Variants in HS3ST5 observed in about 807,000 individuals in gnomAD.
HS3ST5 encodes heparan sulfate-glucosamine 3-sulfotransferase 5, also known as heparan sulfate glucosamine 3-O-sulfotransferase 5.
In HS3ST5, 10 loss-of-function variants were observed where a neutral mutation model predicts 25.4. The ratio of observed to expected loss-of-function variants is 0.39; its 90% confidence interval spans 0.24 to 0.67. HS3ST5 has a LOEUF of 0.67. Among genes scored for constraint, HS3ST5 ranks in the 30% least tolerant of loss-of-function variants. The pLI is 0.44. For synonymous variants in HS3ST5, 170 were observed against 162.4 expected (o/e 1.05, Z -0.36); for missense variants, 324 against 420.7 (o/e 0.77, Z 2.01).
intron 3 of HS3ST5, among the ~76,000 whole-genome samples, chr6:114,063,996 T>C (rs1279635231): frequency 6.6e-6 from 1 of 152,240 alleles, no homozygotes; most frequent in Non-Finnish European, 1.5e-5. Flanking sequence ...GCTTTACTAG[T>C]GCTGTTATTA....
In HS3ST5 at chr6:114,092,517, G is replaced by C. The variant is rs866324660; in HGVS notation, c.-32-29640C>G. ...AGGTTTTATGGATCACAAGAGGTTA[G>C]AGAAAGTCATGCAGACCTTATAAAA... On this transcript the variant is annotated intron_variant, in intron 3 of 4. Coordinates refer to ENST00000312719, the MANE Select transcript of HS3ST5 (RefSeq NM_153612.4). Among the ~76,000 whole-genome samples the C allele has an allele frequency of 2.6e-5, 4 of 152,284 alleles. No homozygotes were observed. The East Asian group carries it at 5.8e-4, about 22-fold the overall frequency.
At chr6:114,300,963 A>G (rs532989811) in intron 1 of HS3ST5, among the ~76,000 whole-genome samples, 1 of 152,356 alleles carries the variant, frequency 6.6e-6, no homozygotes, top group East Asian at 1.9e-4. Flanking sequence ...CTATAGAGAC[A>G]GAAAGTAGAT....
intron 1 of HS3ST5, among the ~76,000 whole-genome samples, chr6:114,242,140 T>C (rs1312492475): frequency 6.6e-6 from 1 of 152,208 alleles, no homozygotes; most frequent in East Asian, 1.9e-4. Context: ...ATGTGACTAG[T>C]CCAAACTGAG....
intron 1 of HS3ST5, among the ~76,000 whole-genome samples, chr6:114,241,053 A>G (rs921144179): frequency 6.6e-6 from 1 of 152,050 alleles, no homozygotes; most frequent in African/African-American, 2.4e-5. Flanking sequence ...AAAAAATGAA[A>G]TCACAAGGTG....
intron 2 of HS3ST5, among the ~76,000 whole-genome samples, chr6:114,177,865 A>T (rs1469095513): frequency 6.6e-6 from 1 of 152,218 alleles, no homozygotes; most frequent in Non-Finnish European, 1.5e-5. Flanking sequence ...ATTTACTGAA[A>T]TAAGAATGTT....
At chr6:114,275,304 C>T (rs1467181342) in intron 1 of HS3ST5, among the ~76,000 whole-genome samples, 2 of 152,016 alleles carry the variant, frequency 1.3e-5, no homozygotes, top group Admixed American at 1.3e-4. Flanking sequence ...AGTCAATAAA[C>T]ATATAACTAA....
At chr6:114,079,558 T>C (rs1435307030) in intron 3 of HS3ST5, among the ~76,000 whole-genome samples, 5 of 152,212 alleles carry the variant, frequency 3.3e-5, no homozygotes. Context: ...TCCACTGAAG[T>C]CTTGAAGTTC....
At chr6:114,105,494 T>C (rs2114833788) in intron 3 of HS3ST5, among the ~76,000 whole-genome samples, 1 of 152,324 alleles carries the variant, frequency 6.6e-6, no homozygotes, top group South Asian at 2.1e-4. Context: ...TACTGTGATA[T>C]AATATTGATT....
intron 1 of HS3ST5, among the ~76,000 whole-genome samples, chr6:114,305,946 A>G (rs1031235313): frequency 1.4e-4 from 21 of 152,108 alleles, no homozygotes; most frequent in African/African-American, 5.1e-4. Flanking sequence ...ACTGGACTAC[A>G]TAATGTTGAA....
chr6:114,181,705 A>G (rs1213567039), intron 2 of HS3ST5, among the ~76,000 whole-genome samples: 1 of 152,238 alleles, frequency 6.6e-6, no homozygotes, highest in East Asian at 1.9e-4. Flanking sequence ...ATCATGACCT[A>G]TGCCAAGATT....
At chr6:114,063,560 A>G (rs1254998099) in intron 3 of HS3ST5, among the ~76,000 whole-genome samples, 2 of 152,132 alleles carry the variant, frequency 1.3e-5, no homozygotes, top group Non-Finnish European at 2.9e-5. Context: ...CAGCAGGGCA[A>G]CCATAAACTG....
chr6:114,292,297 G>T (rs944038441), intron 1 of HS3ST5, among the ~76,000 whole-genome samples: 5 of 152,158 alleles, frequency 3.3e-5, no homozygotes, highest in Admixed American at 6.5e-5. Flanking sequence ...TGTGGCGTCT[G>T]GTGTGGGCCT....
chr6:114,177,595 T>C (rs1779783467), intron 2 of HS3ST5, among the ~76,000 whole-genome samples: 2 of 152,214 alleles, frequency 1.3e-5, no homozygotes, highest in Admixed American at 6.5e-5. Flanking sequence ...CAGCACTTTA[T>C]TGGTTTCACA....
chr6:114,212,749 C>T (rs1180679117), intron 2 of HS3ST5, among the ~76,000 whole-genome samples: 2 of 152,122 alleles, frequency 1.3e-5, no homozygotes, highest in Non-Finnish European at 2.9e-5. Flanking sequence ...TTAGTAAGAG[C>T]CTTCACTCTA....
chr6:114,097,566 G>A (rs370725683), intron 3 of HS3ST5, among the ~76,000 whole-genome samples: 1 of 151,864 alleles, frequency 6.6e-6, no homozygotes, highest in African/African-American at 2.4e-5. Context: ...ATTTTTCTAT[G>A]ATTGTCAAAT....
At chr6:114,333,657 T>C (rs1235538325) in intron 1 of HS3ST5, among the ~76,000 whole-genome samples, 1 of 152,084 alleles carries the variant, frequency 6.6e-6, no homozygotes, top group Non-Finnish European at 1.5e-5. Flanking sequence ...TTTTAAAATT[T>C]TTTTTTGATA....
At chr6:114,161,560 T>C (rs1196685783) in intron 3 of HS3ST5, among the ~76,000 whole-genome samples, 1 of 91,530 alleles carries the variant, frequency 1.1e-5, no homozygotes, top group South Asian at 3.3e-4. Context: ...TATATATATA[T>C]ATATATATAT....
intron 3 of HS3ST5, among the ~76,000 whole-genome samples, chr6:114,164,873 A>G (rs1035011006): frequency 1.3e-5 from 2 of 152,172 alleles, no homozygotes; most frequent in African/African-American, 2.4e-5. Context: ...CATTTTTACT[A>G]TCATAATAAC....
In HS3ST5 at chr6:114,103,703, C is replaced by CT. The variant is rs34593869; in HGVS notation, c.-32-40827dup. Among the ~76,000 whole-genome samples, 763 of 128,736 alleles carry CT rather than the reference C, an allele frequency of 5.9e-3. 7 individuals carry two copies. Among genetic ancestry groups the CT allele is most frequent in the East Asian group, 0.015 (66 of 4,522 alleles). 84.5% of individuals were successfully genotyped at this position (128,736 alleles called of 152,430 possible). A position where few individuals can be genotyped will look rare whatever the true frequency, so the allele number is the denominator to read the frequency against. On this transcript the variant is annotated intron_variant, in intron 3 of 4. Coordinates refer to ENST00000312719, the MANE Select transcript of HS3ST5 (RefSeq NM_153612.4). ...ATTTTCTTTCTTTCTTTTTCTTCTT[C>CT]TTTTTTTTTTTTTTTTTGAGACGGA...
Sources: gnomAD v4.1 joint callset for allele counts (sites outside exome capture counted in the v4.1 genomes callset) on GRCh38, gnomAD v4.1.1 for gene constraint, MANE v1.5 for transcripts, NCBI Gene and HGNC (gene_info 2026-07-23, HGNC 2026-07-21) for gene names.